Variants in KHDRBS2 observed in about 807,000 individuals in gnomAD.
KHDRBS2 encodes the protein KH domain-containing, RNA-binding, signal transduction-associated protein 2.
A neutral mutation model predicts 44.3 loss-of-function variants in KHDRBS2; 26 were observed. The ratio of observed to expected loss-of-function variants is 0.59; its 90% CI spans 0.43 to 0.81. The LOEUF is 0.81. KHDRBS2 is among the 40% of genes least tolerant of loss of function. KHDRBS2 has a pLI of 0.00. For missense variants in KHDRBS2, 476 were observed against 433.1 expected (o/e 1.10, Z -0.88); for synonymous variants, 194 against 151.1 (o/e 1.28, Z -2.08).
At chr6:61,645,205 T>C in the KHDRBS2 span, among the ~76,000 whole-genome samples, 1 of 151,976 alleles carries the variant, frequency 6.6e-6, no homozygotes, top group East Asian at 1.9e-4. Flanking sequence ...AGCAAACTAA[T>C]GCAGAAACAG....
chr6:61,838,975 A>G (rs1793153655), intron 6 of KHDRBS2, among the ~76,000 whole-genome samples: 2 of 151,978 alleles, frequency 1.3e-5, no homozygotes, highest in Non-Finnish European at 2.9e-5. Context: ...GTCATTACTC[A>G]CCACTCTCCT....
At chr6:61,564,044 C>G in the KHDRBS2 span, among the ~76,000 whole-genome samples, 1 of 152,144 alleles carries the variant, frequency 6.6e-6, no homozygotes, top group East Asian at 1.9e-4. Context: ...TTTTGTGTAT[C>G]TCTGTGATTA....
chr6:62,100,341 T>C (rs533083017), intron 2 of KHDRBS2, among the ~76,000 whole-genome samples: 1 of 152,346 alleles, frequency 6.6e-6, no homozygotes, highest in East Asian at 1.9e-4. Context: ...ATGAAGATTC[T>C]GTGAACATTG....
chr6:62,259,573 A>T (rs1440903127), intron 1 of KHDRBS2, among the ~76,000 whole-genome samples: 3 of 152,004 alleles, frequency 2.0e-5, no homozygotes, highest in Non-Finnish European at 4.4e-5. Flanking sequence ...TAATATAGTC[A>T]GGAAAATAGA....
At chr6:62,209,829 T>C (rs1428018118) in intron 1 of KHDRBS2, among the ~76,000 whole-genome samples, 2 of 152,176 alleles carry the variant, frequency 1.3e-5, no homozygotes, top group Non-Finnish European at 2.9e-5. Flanking sequence ...TCGAACATCA[T>C]ACTCCAAGTT....
chr6:61,678,186 C>T (rs1223899883), downstream of KHDRBS2, among the ~76,000 whole-genome samples: 4 of 151,900 alleles, frequency 2.6e-5, no homozygotes, highest in East Asian at 3.9e-4. Context: ...TAAAACCCTG[C>T]GTTAAACATC....
chr6:62,008,572 C>A (rs1779699281), intron 3 of KHDRBS2, among the ~76,000 whole-genome samples: 1 of 152,202 alleles, frequency 6.6e-6, no homozygotes, highest in African/African-American at 2.4e-5. Flanking sequence ...ATGGAATTAT[C>A]AAACAGTGAT....
chr6:62,219,627 T>C (rs1830549858), intron 1 of KHDRBS2, among the ~76,000 whole-genome samples: 6 of 151,252 alleles, frequency 4.0e-5, no homozygotes, highest in Admixed American at 3.3e-4. Flanking sequence ...GATTTTAAAA[T>C]ATGGAATCGA....
intron 6 of KHDRBS2, among the ~76,000 whole-genome samples, chr6:61,833,802 A>G (rs1257652128): frequency 1.3e-5 from 2 of 152,170 alleles, no homozygotes; most frequent in East Asian, 1.9e-4. Context: ...ACTTATTGAA[A>G]GAACATAATA....
At chr6:62,164,673 T>C (rs566423311) in intron 2 of KHDRBS2, among the ~76,000 whole-genome samples, 1 of 152,054 alleles carries the variant, frequency 6.6e-6, no homozygotes, top group Non-Finnish European at 1.5e-5. Flanking sequence ...TTTACAAATA[T>C]ATAATTCTAA....
chr6:61,875,984 A>G (rs1799359199), intron 6 of KHDRBS2, among the ~76,000 whole-genome samples: 1 of 151,950 alleles, frequency 6.6e-6, no homozygotes, highest in Non-Finnish European at 1.5e-5. Context: ...TACTCCTCTC[A>G]TATTTAAAAC....
chr6:62,098,626 C>T (rs1181343768), intron 2 of KHDRBS2, among the ~76,000 whole-genome samples: 1 of 152,120 alleles, frequency 6.6e-6, no homozygotes, highest in Admixed American at 6.6e-5. Flanking sequence ...TTGGGGAACA[C>T]TCATTTGAGT....
intron 2 of KHDRBS2, among the ~76,000 whole-genome samples, chr6:62,057,482 C>T (rs1258832599): frequency 6.6e-6 from 1 of 151,934 alleles, no homozygotes; most frequent in Non-Finnish European, 1.5e-5. Flanking sequence ...TTTCCACTTA[C>T]TTTCAACCTA....
intron 6 of KHDRBS2, among the ~76,000 whole-genome samples, chr6:61,751,855 A>G (rs1394596320): frequency 6.6e-6 from 1 of 151,748 alleles, no homozygotes; most frequent in East Asian, 1.9e-4. Flanking sequence ...AGCTTGTTTG[A>G]TTTCTTCTGA....
At chr6:61,581,626 T>C in the KHDRBS2 span, among the ~76,000 whole-genome samples, 2 of 148,168 alleles carry the variant, frequency 1.3e-5, no homozygotes, top group Non-Finnish European at 3.0e-5. Context: ...ATATACAATA[T>C]ACATTATATT....
chr6:62,236,486 T>C (rs1833727126), intron 1 of KHDRBS2, among the ~76,000 whole-genome samples: 1 of 151,876 alleles, frequency 6.6e-6, no homozygotes, highest in South Asian at 2.1e-4. Context: ...GCAGAATAAT[T>C]TTATATATTT....
chr6:62,059,990 T>C (rs1221917234), intron 2 of KHDRBS2, among the ~76,000 whole-genome samples: 1 of 151,852 alleles, frequency 6.6e-6, no homozygotes. Flanking sequence ...CAGGAATGTA[T>C]AACCAGAATC....
chr6:61,570,922 T>G, the KHDRBS2 span, among the ~76,000 whole-genome samples: 2 of 152,080 alleles, frequency 1.3e-5, no homozygotes, highest in African/African-American at 4.8e-5. Flanking sequence ...AGGAGTTCTA[T>G]ATCTTGATAC....
At chr6:62,113,467 G>C (rs999967814) in intron 2 of KHDRBS2, among the ~76,000 whole-genome samples, 16 of 152,006 alleles carry the variant, frequency 1.1e-4, no homozygotes, top group African/African-American at 3.9e-4. Context: ...TAATATATGA[G>C]GTACAGAAAA....
Sources: gnomAD v4.1 joint callset for allele counts (sites outside exome capture counted in the v4.1 genomes callset) on GRCh38, gnomAD v4.1.1 for gene constraint, MANE v1.5 for transcripts, NCBI Gene and HGNC (gene_info 2026-07-23, HGNC 2026-07-21) for gene names.